The following INO80 variants were observed in gnomAD, a reference collection of about 807,000 sequenced individuals.
INO80 encodes chromatin-remodeling ATPase INO80.
Under a neutral mutation model 203.4 loss-of-function variants are expected in INO80, and 20 were observed. That is an observed-to-expected ratio of 0.10 (90% CI 0.07 to 0.14). INO80 has a LOEUF of 0.14. Among genes scored for constraint, INO80 ranks in the 10% least tolerant of loss-of-function variants. The probability of loss-of-function intolerance (pLI) is 1.00; values close to 1 mark genes in which losing one functional copy is unlikely to be tolerated. For missense variants in INO80, 1,419 were observed against 1,914.4 expected, an observed-to-expected ratio of 0.74 and a Z score of 4.83; for synonymous variants, 726 against 685.2, an observed-to-expected ratio of 1.06 and a Z score of -0.93.
At chr15:41,069,953 T>C (rs934439015) in intron 13 of INO80, among the ~76,000 whole-genome samples, 1 of 152,254 alleles carries the variant, frequency 6.6e-6, no homozygotes, top group Non-Finnish European at 1.5e-5. Context: ...TTTTCTACTA[T>C]ACTAGTTATC....
At chr15:41,001,530 A>G (rs1225090778) in intron 28 of INO80, among the ~76,000 whole-genome samples, 1 of 152,220 alleles carries the variant, frequency 6.6e-6, no homozygotes, top group Non-Finnish European at 1.5e-5. Context: ...TGTTTTCCAA[A>G]GAGTCACACT....
At chr15:41,111,666 G>C (rs757039532) in intron 1 of INO80, among the ~76,000 whole-genome samples, 47 of 151,820 alleles carry the variant, frequency 3.1e-4, no homozygotes, top group Non-Finnish European at 5.3e-4. Flanking sequence ...AGCCGGGCGT[G>C]GTGGTGCACG....
At chr15:40,986,915 G>A (rs941666639) in intron 31 of INO80, among the ~76,000 whole-genome samples, 176 bp downstream of exon 31, 3 of 152,208 alleles carry the variant, frequency 2.0e-5, no homozygotes, top group Admixed American at 2.0e-4. Context: ...TTAGAGGCGT[G>A]AGCCACCATG....
At chr15:41,114,828 G>A (rs1448339183) in intron 1 of INO80, among the ~76,000 whole-genome samples, 1 of 152,022 alleles carries the variant, frequency 6.6e-6, no homozygotes, top group Non-Finnish European at 1.5e-5. Flanking sequence ...TCTTTTTTAG[G>A]TAAATTTAGG....
chr15:41,005,200 CA>C (rs66849866), intron 28 of INO80: 21 of 80,050 alleles, frequency 2.6e-4, no homozygotes, highest in African/African-American at 3.6e-4. Flanking sequence ...CTCACACACA[CA>C]AAAAAAAAAA....
chr15:40,994,042 T>G (rs747820803), intron 29 of INO80, among the ~76,000 whole-genome samples: 1 of 152,212 alleles, frequency 6.6e-6, no homozygotes, highest in East Asian at 1.9e-4. Flanking sequence ...TACTAACCCC[T>G]ATATGATCTG....
At chr15:41,100,830 CTTTT>C (rs1190451283) in intron 1 of INO80, among the ~76,000 whole-genome samples, 4 of 138,088 alleles carry the variant, frequency 2.9e-5, no homozygotes, top group Admixed American at 7.3e-5. Context: ...ACAATTTTTT[CTTTT>C]TTTTTTTTTT....
At chr15:41,030,545 A>G (rs1300912946) in intron 24 of INO80, among the ~76,000 whole-genome samples, 2 of 151,998 alleles carry the variant, frequency 1.3e-5, no homozygotes, top group East Asian at 3.9e-4. Flanking sequence ...TATTTTTAGT[A>G]GTGATGGGGT....
chr15:40,995,610 G>A (rs1190608442), intron 29 of INO80, among the ~76,000 whole-genome samples: 1 of 152,176 alleles, frequency 6.6e-6, no homozygotes, highest in Non-Finnish European at 1.5e-5. Context: ...GCATAGCAAA[G>A]AATGGATTTG....
intron 28 of INO80, among the ~76,000 whole-genome samples, chr15:41,001,122 G>A (rs2043953947): frequency 2.0e-5 from 3 of 152,158 alleles, no homozygotes; most frequent in Admixed American, 1.3e-4. Flanking sequence ...CGCTATAATA[G>A]TATTGATAAT....
chr15:41,059,842 G>A (rs778940751), intron 15 of INO80, 25 bp downstream of exon 15: 178 of 1,482,530 alleles, frequency 1.2e-4, no homozygotes, highest in Non-Finnish European at 1.6e-4. Flanking sequence ...CGGTACGTAT[G>A]TATGCAGTTT....
intron 14 of INO80, among the ~76,000 whole-genome samples, chr15:41,060,509 G>T (rs2045084065): frequency 6.6e-6 from 1 of 151,530 alleles, no homozygotes; most frequent in African/African-American, 2.4e-5. Context: ...AGCAGAGATG[G>T]CGCCACTGCA....
intron 4 of INO80, among the ~76,000 whole-genome samples, chr15:41,094,254 A>G (rs1258338613): frequency 6.6e-6 from 1 of 152,222 alleles, no homozygotes; most frequent in East Asian, 1.9e-4. Flanking sequence ...AGCCTGTGTG[A>G]TCACAGTCTT....
At chr15:41,076,793 C>A (rs117004142) in intron 9 of INO80, among the ~76,000 whole-genome samples, 1 of 151,708 alleles carries the variant, frequency 6.6e-6, no homozygotes, top group African/African-American at 2.4e-5. Flanking sequence ...ATCATTGTGT[C>A]GATAAATAAA....
intron 14 of INO80, among the ~76,000 whole-genome samples, chr15:41,063,748 C>G (rs567910931): frequency 6.6e-6 from 1 of 151,584 alleles, no homozygotes; most frequent in African/African-American, 2.4e-5. Flanking sequence ...TCCAGCCTGG[C>G]GACAGATAGA....
intron 27 of INO80, among the ~76,000 whole-genome samples, chr15:41,011,068 G>C (rs539654455): frequency 6.6e-6 from 1 of 152,276 alleles, no homozygotes; most frequent in African/African-American, 2.4e-5. Flanking sequence ...AAAATAATCT[G>C]ACTTCAACCT....
intron 26 of INO80, chr15:41,019,456 T>G (rs2044258273): frequency 6.6e-6 from 1 of 152,136 alleles, no homozygotes. Flanking sequence ...CCATTTTTCT[T>G]TCAAAGAACA....
At chr15:41,099,561 G>A (rs1338216854) in intron 1 of INO80, among the ~76,000 whole-genome samples, 1 of 151,878 alleles carries the variant, frequency 6.6e-6, no homozygotes, top group Non-Finnish European at 1.5e-5. Context: ...CAGGAGGAGA[G>A]CTTGAGCCCA....
chr15:41,011,328 T>C (rs895159082), intron 27 of INO80, among the ~76,000 whole-genome samples: 1 of 152,198 alleles, frequency 6.6e-6, no homozygotes, highest in African/African-American at 2.4e-5. Context: ...CATTTTGACA[T>C]TAGTATCAGG....
Sources: allele counts gnomAD v4.1 joint callset (sites outside exome capture counted in the v4.1 genomes callset), GRCh38; gene constraint gnomAD v4.1.1; transcripts MANE v1.5; gene names NCBI Gene and HGNC (gene_info 2026-07-23, HGNC 2026-07-21).